The following DLG5 variants were observed in gnomAD, a reference collection of about 807,000 sequenced individuals.
DLG5 encodes disks large homolog 5.
Under a neutral mutation model 189.8 loss-of-function variants are expected in DLG5, and 48 were observed. The ratio of observed to expected loss-of-function variants is 0.25; its 90% CI spans 0.20 to 0.32. The LOEUF is 0.32. Ranked by LOEUF, DLG5 falls within the 10% of genes least tolerant of loss-of-function variation. The pLI, the probability that DLG5 is intolerant of heterozygous loss-of-function variation, is 1.00. For synonymous variants in DLG5, 1,016 were observed against 1,054.1 expected (o/e 0.96, Z 0.70); for missense variants, 2,160 against 2,544.7 (o/e 0.85, Z 3.25).
intron 9 of DLG5, among the ~76,000 whole-genome samples, chr10:77,833,617 A>G (rs768764282): frequency 6.6e-6 from 1 of 152,254 alleles, no homozygotes; most frequent in South Asian, 2.1e-4. Flanking sequence ...TGCCTGCCCC[A>G]GATGGACTGC....
At chr10:77,877,874 G>A (rs1450508636) in intron 1 of DLG5, among the ~76,000 whole-genome samples, 2 of 138,346 alleles carry the variant, frequency 1.4e-5, no homozygotes, top group Non-Finnish European at 3.2e-5. Context: ...CCTCTGCCCC[G>A]CCACCCTGAC....
chr10:77,897,662 AAGAG>A (rs1430596035), intron 1 of DLG5, among the ~76,000 whole-genome samples: 2 of 150,250 alleles, frequency 1.3e-5, no homozygotes, highest in Non-Finnish European at 3.0e-5. Context: ...TATTTCTACA[AAGAG>A]AGAAAGAGAA....
intron 1 of DLG5, chr10:77,912,185 C>G (rs995251053): frequency 7.7e-6 from 1 of 129,636 alleles, no homozygotes; most frequent in African/African-American, 3.0e-5. Flanking sequence ...GCATGGGCAA[C>G]AGGGTAAGAC....
chr10:77,854,490 A>G, intron 3 of DLG5, 120 bp from the exon 4 acceptor site: 1 of 1,305,982 alleles, frequency 7.7e-7, no homozygotes, highest in Non-Finnish European at 1.0e-6. Context: ...TATGCACCAC[A>G]CACACCTGGG....
chr10:77,877,857 A>AGTAGGGCCGGCC (rs1554827726), intron 1 of DLG5, among the ~76,000 whole-genome samples: 1 of 151,900 alleles, frequency 6.6e-6, no homozygotes, highest in East Asian at 1.9e-4. Flanking sequence ...GAAGGAGTGG[A>AGTAGGGCCGGCC]GCAGCGCCTC....
At position 77,926,173 on chromosome 10, in the gene DLG5, G is replaced by C; in HGVS notation, c.304+44C>G. On this transcript the variant is annotated intron_variant, in intron 1 of 31. Transcript: ENST00000372391. The surrounding 1 kb of genome is among the most constrained non-coding windows in gnomAD (Gnocchi z 5.2). ...CCCTCGGCCAGCAGGAGGGAGAAGC[G>C]GAGGGCGCGTCCCAGAGGCGGGGGC... 7.5e-7 allele frequency: 1 copy of C among 1,328,880 alleles called. No individual in the cohort carries two copies. The allele number at this position is 1,328,880 out of a possible 1,614,324, so 82.3% of individuals were successfully genotyped here.
rs1353881119 is a variant in DLG5 at position 77,896,479 on chromosome 10, C to T, written c.305-27282G>A. On this transcript the variant is annotated intron_variant, in intron 1 of 31. Coordinates refer to ENST00000372391, the MANE Select transcript of DLG5 (RefSeq NM_004747.4). ...TAGGGGTAAACTGTCCTGATGTCCACAACTTTTTTCCAAATGAATCAGGAA... is the reference window on the plus strand; with the variant it reads ...TAGGGGTAAACTGTCCTGATGTCCATAACTTTTTTCCAAATGAATCAGGAA... 9.2e-5 allele frequency among the ~76,000 whole-genome samples: 14 copies of T among 152,290 alleles called. No individual in the cohort carries two copies. The East Asian group carries it at 2.7e-3, about 29-fold the overall frequency.
chr10:77,930,881 C>G (rs1241963357), upstream of DLG5, among the ~76,000 whole-genome samples: 3 of 137,004 alleles, frequency 2.2e-5, no homozygotes. Flanking sequence ...AGTGCAATGG[C>G]ATGATCTCAG....
In DLG5 at chr10:77,796,715, A is replaced by C. The variant is rs76466052; in HGVS notation, c.5165-121T>G. The C allele has an allele frequency of 2.2e-3, 2,808 of 1,277,138 alleles. 49 individuals carry two copies. The African/African-American group carries it at 0.035, about 16-fold the overall frequency. 79.1% of individuals were successfully genotyped at this position (1,277,138 alleles called of 1,614,324 possible). The stretch of plus-strand genomic sequence containing the variant: ...GTTTGCCTGGGACTCCCCCAGCTTC[A>C]GCACTGAAAATCTCGTGTCCCAGGC... On this transcript the variant is annotated intron_variant, in intron 27 of 31. Transcript: ENST00000372391. This position sits in a 1 kb window ranked among gnomAD's most constrained non-coding sequence, Gnocchi z 5.2.
intron 1 of DLG5, among the ~76,000 whole-genome samples, chr10:77,882,741 G>A (rs1218626460): frequency 7.1e-6 from 1 of 140,816 alleles, no homozygotes; most frequent in Non-Finnish European, 1.5e-5. Context: ...GTGAAACCTC[G>A]TCTCTACTAA....
intron 1 of DLG5, among the ~76,000 whole-genome samples, chr10:77,911,624 C>G (rs980116347): frequency 2.0e-5 from 3 of 152,012 alleles, no homozygotes. Context: ...ACCATTCAGA[C>G]AAGCAAACTG....
At chr10:77,897,898 T>C (rs1845812298) in intron 1 of DLG5, among the ~76,000 whole-genome samples, 1 of 152,196 alleles carries the variant, frequency 6.6e-6, no homozygotes, top group Admixed American at 6.5e-5. Context: ...CTGGTCCCCT[T>C]GTCTCTGTGT....
intron 13 of DLG5, among the ~76,000 whole-genome samples, chr10:77,827,683 C>T (rs1485879338): frequency 6.6e-6 from 1 of 152,162 alleles, no homozygotes; most frequent in Non-Finnish European, 1.5e-5. Flanking sequence ...TTTGCAATTG[C>T]AGACCCTGAA....
At chr10:77,806,710 C>A (rs1162422165) in intron 26 of DLG5, 48 bp downstream of exon 26, 2 of 1,448,988 alleles carry the variant, frequency 1.4e-6, no homozygotes, top group Admixed American at 1.7e-5. Context: ...GGCTGGTGGC[C>A]CTCGGCGACC....
intron 1 of DLG5, among the ~76,000 whole-genome samples, chr10:77,923,652 C>T (rs1331428421): frequency 6.6e-6 from 1 of 152,004 alleles, no homozygotes; most frequent in Admixed American, 6.6e-5. Context: ...CAGCTACTTG[C>T]GGGGCTGAGG....
intron 9 of DLG5, among the ~76,000 whole-genome samples, chr10:77,833,142 G>T (rs758644007): frequency 6.6e-6 from 1 of 152,078 alleles, no homozygotes; most frequent in East Asian, 1.9e-4. Flanking sequence ...TTTAGACCAC[G>T]GCCTATTGGG....
At chr10:77,820,779 C>T (rs1842305048) in intron 15 of DLG5, 1 of 411,052 alleles carries the variant, frequency 2.4e-6, no homozygotes, top group African/African-American at 2.0e-5. Context: ...CCTAGCCCTT[C>T]AAGGCAAGTC....
At chr10:77,805,965 T>TC in intron 26 of DLG5, 104 bp from the exon 27 acceptor site, 1 of 1,133,776 alleles carries the variant, frequency 8.8e-7, no homozygotes, top group Non-Finnish European at 1.3e-6. Flanking sequence ...GACACTGGGC[T>TC]CCCCCCACAC....
At position 77,830,288 on chromosome 10, in the gene DLG5, A is replaced by T; in HGVS notation, c.1938T>A (p.Pro646=). The change falls in exon 11 of 32, where the codon CCT becomes CCA. Residue 646 remains proline (P), a synonymous_variant. Coordinates refer to ENST00000372391, the MANE Select transcript of DLG5 (RefSeq NM_004747.4). ...ATATGCCACAGTCCCCCGGGAAACA[A>T]GGCTCATTCACACCTTCTGCCATAT... ...GFDMAEGVNE[P]CFPGDCGIFV... is the part of the protein sequence containing the mutation. 1 of 1,614,188 alleles carries T rather than the reference A, an allele frequency of 6.2e-7. No homozygotes were observed. Among genetic ancestry groups the T allele is most frequent in the Non-Finnish European group, 8.5e-7 (1 of 1,180,028 alleles).
Sources: allele counts gnomAD v4.1 joint callset (sites outside exome capture counted in the v4.1 genomes callset), GRCh38; gene constraint gnomAD v4.1.1; non-coding constraint Gnocchi (gnomAD v3.1); transcripts MANE v1.5; gene names NCBI Gene and HGNC (gene_info 2026-07-23, HGNC 2026-07-21).